SGSM1: variants seen among roughly 807,000 people sequenced by gnomAD.
SGSM1 encodes RUN and TBC1 domain containing 2.
A neutral mutation model predicts 133.8 loss-of-function variants in SGSM1; 73 were observed. That is an observed-to-expected ratio of 0.55 (90% CI 0.45 to 0.66). The LOEUF is 0.66. SGSM1 is among the 30% of genes least tolerant of loss of function. The pLI, the probability that SGSM1 is intolerant of heterozygous loss-of-function variation, is 0.00. For missense variants in SGSM1, 1,213 were observed against 1,448.1 expected, an observed-to-expected ratio of 0.84 and a Z score of 2.64; for synonymous variants, 563 against 573.0, an observed-to-expected ratio of 0.98 and a Z score of 0.25.
intron 5 of SGSM1, among the ~76,000 whole-genome samples, chr22:24,853,178 G>A (rs76450198): frequency 9.2e-4 from 140 of 152,310 alleles, no homozygotes; most frequent in Non-Finnish European, 1.9e-3. Flanking sequence ...GCAGGGAGAG[G>A]CAGAGCTGGG....
At chr22:24,894,114 C>T (rs1278559386) in intron 17 of SGSM1, among the ~76,000 whole-genome samples, 1 of 152,186 alleles carries the variant, frequency 6.6e-6, no homozygotes, top group East Asian at 1.9e-4. Flanking sequence ...TAGGATCTCA[C>T]CACCCTTGAC....
At chr22:24,908,924 G>GGGATGC (rs1933514617) in intron 21 of SGSM1, among the ~76,000 whole-genome samples, 3 of 143,888 alleles carry the variant, frequency 2.1e-5, no homozygotes, top group African/African-American at 7.6e-5. Flanking sequence ...AGCACATTAA[G>GGGATGC]GGATGCTCTA....
At chr22:24,835,823 T>C (rs903450108) in intron 2 of SGSM1, among the ~76,000 whole-genome samples, 2 of 151,974 alleles carry the variant, frequency 1.3e-5, no homozygotes, top group Non-Finnish European at 2.9e-5. Flanking sequence ...AGGACTTGGG[T>C]TGTCACTCTG....
At chr22:24,837,351 A>G (rs545322210) in intron 2 of SGSM1, among the ~76,000 whole-genome samples, 28 of 152,368 alleles carry the variant, frequency 1.8e-4, no homozygotes, top group African/African-American at 6.3e-4. Flanking sequence ...ATTTCTGCAT[A>G]TCAGGGACTA....
Position 24,837,223 on chromosome 22 carries a change from C to T in SGSM1, c.64-7674C>T, listed in dbSNP as rs867014538. Among the ~76,000 whole-genome samples, 119 of 152,298 alleles carry T rather than the reference C, an allele frequency of 7.8e-4. 1 individual carries two copies. Among genetic ancestry groups the T allele is most frequent in the African/African-American group, 2.8e-3 (115 of 41,548 alleles). ...GGGGCAGGGTAAAGAATGTGAGTCA[C>T]CTCCAATGATAGGTAAGGTCACGTG... On this transcript the variant is annotated intron_variant, in intron 2 of 24. Transcript: ENST00000400358.
intron 15 of SGSM1, among the ~76,000 whole-genome samples, chr22:24,884,737 C>T (rs1337435180): frequency 6.6e-6 from 1 of 152,226 alleles, no homozygotes; most frequent in East Asian, 1.9e-4. Flanking sequence ...CATCACTTCC[C>T]ACAGCGCATG....
intron 19 of SGSM1, among the ~76,000 whole-genome samples, chr22:24,900,506 T>C (rs1223226122): frequency 6.6e-6 from 1 of 151,930 alleles, no homozygotes; most frequent in Non-Finnish European, 1.5e-5. Flanking sequence ...TTCAAGCGAT[T>C]CTCCTGCCTC....
chr22:24,917,156 G>C (rs544649194), intron 22 of SGSM1, among the ~76,000 whole-genome samples: 1 of 150,330 alleles, frequency 6.7e-6, no homozygotes, highest in African/African-American at 2.4e-5. Context: ...GCCTCGCAAA[G>C]TGCTGAGCCA....
At chr22:24,921,880 T>C (rs773163877) in intron 24 of SGSM1, among the ~76,000 whole-genome samples, 1 of 152,052 alleles carries the variant, frequency 6.6e-6, no homozygotes, top group Non-Finnish European at 1.5e-5. Context: ...TGTATTTTTT[T>C]AGTAGAGACA....
intron 5 of SGSM1, among the ~76,000 whole-genome samples, chr22:24,853,907 G>A (rs1280605668): frequency 1.3e-5 from 2 of 151,718 alleles, no homozygotes; most frequent in African/African-American, 4.9e-5. Context: ...GTGAGCCACT[G>A]CGCCTGGCCA....
At chr22:24,902,924 G>A (rs139741) in intron 20 of SGSM1, among the ~76,000 whole-genome samples, 57,803 of 151,790 alleles carry the variant, frequency 0.38, 11,426 homozygotes, top group East Asian at 0.64. Flanking sequence ...GCCTATAGTC[G>A]TAGCTACTTT....
chr22:24,822,912 G>A (rs1420385031), intron 2 of SGSM1, among the ~76,000 whole-genome samples: 1 of 152,224 alleles, frequency 6.6e-6, no homozygotes, highest in African/African-American at 2.4e-5. Context: ...TAATAACAAT[G>A]ACACCTACAA....
Position 24,850,990 on chromosome 22 carries a change from A to C in SGSM1, c.455+558A>C, listed in dbSNP as rs184641326. On this transcript the variant is annotated intron_variant, in intron 5 of 24. Coordinates refer to ENST00000400358, the MANE Select transcript of SGSM1 (RefSeq NM_001098497.3). ...GTGGCAGGTGTCTGTAGCTCCAGCT[A>C]CTCAGGAGGCTGAGGCAGGAGAATG... 3.7e-3 allele frequency among the ~76,000 whole-genome samples: 554 copies of C among 151,726 alleles called. 1 individual carries two copies. Among genetic ancestry groups the C allele is most frequent in the Admixed American group, 7.2e-3 (109 of 15,222 alleles).
intron 2 of SGSM1, among the ~76,000 whole-genome samples, chr22:24,840,575 T>C (rs1929730651): frequency 6.6e-6 from 1 of 150,744 alleles, no homozygotes; most frequent in Non-Finnish European, 1.5e-5. Context: ...ACTCCTGACC[T>C]CAGGTAATCC....
chr22:24,838,039 G>T (rs905661848), intron 2 of SGSM1, among the ~76,000 whole-genome samples: 8 of 152,044 alleles, frequency 5.3e-5, no homozygotes, highest in Non-Finnish European at 5.9e-5. Context: ...AGCTTTCTCC[G>T]TTTTCTTGTA....
intron 2 of SGSM1, among the ~76,000 whole-genome samples, chr22:24,807,189 T>C (rs1299402578): frequency 1.3e-5 from 2 of 152,042 alleles, no homozygotes; most frequent in Non-Finnish European, 2.9e-5. Flanking sequence ...TCATGGCCAA[T>C]GACCTCCCAG....
intron 21 of SGSM1, among the ~76,000 whole-genome samples, chr22:24,910,979 G>T (rs576755177): frequency 4.6e-4 from 70 of 151,856 alleles, no homozygotes; most frequent in Non-Finnish European, 8.4e-4. Context: ...AATAGGCAAG[G>T]CGTGGTGGCT....
At chr22:24,839,385 C>T (rs1929659377) in intron 2 of SGSM1, among the ~76,000 whole-genome samples, 1 of 152,122 alleles carries the variant, frequency 6.6e-6, no homozygotes. Flanking sequence ...TTTTAATATG[C>T]TGTTGAATTC....
At chr22:24,915,398 T>A (rs1226582861) in intron 22 of SGSM1, among the ~76,000 whole-genome samples, 1 of 152,198 alleles carries the variant, frequency 6.6e-6, no homozygotes, top group Non-Finnish European at 1.5e-5. Flanking sequence ...CGAATCACTC[T>A]TAAAGTGATT....
Sources: allele counts gnomAD v4.1 joint callset (sites outside exome capture counted in the v4.1 genomes callset), GRCh38; gene constraint gnomAD v4.1.1; transcripts MANE v1.5; gene names NCBI Gene and HGNC (gene_info 2026-07-23, HGNC 2026-07-21).